PCDHGA2: variants seen among roughly 807,000 people sequenced by gnomAD.
The protein encoded by PCDHGA2 is protocadherin gamma-A2.
PCDHGA2 carries 40 observed loss-of-function variants against 59.2 expected under a neutral mutation model. That is an observed-to-expected ratio of 0.68 (90% CI 0.52 to 0.88). The LOEUF (loss-of-function observed/expected upper bound fraction) is 0.88. PCDHGA2 is among the 40% of genes least tolerant of loss of function. PCDHGA2 has a pLI of 0.00. For synonymous variants in PCDHGA2, 560 were observed against 526.0 expected (o/e 1.06, Z -0.89); for missense variants, 1,226 against 1,204.0 (o/e 1.02, Z -0.27).
At chr5:141,355,631 A>G in intron 1 of PCDHGA2, 1 of 1,614,036 alleles carries the variant, frequency 6.2e-7, no homozygotes, top group South Asian at 1.1e-5. Context: ...AAAGTTGCTG[A>G]AAATGAAAAT....
chr5:141,404,180 C>A (rs774534952), intron 1 of PCDHGA2: 10 of 1,613,196 alleles, frequency 6.2e-6, no homozygotes, highest in Non-Finnish European at 8.5e-6. Flanking sequence ...GGCCCAAATT[C>A]TTGACCGAGA....
intron 1 of PCDHGA2, among the ~76,000 whole-genome samples, chr5:141,369,705 A>G (rs1766444941): frequency 6.6e-6 from 1 of 152,376 alleles, no homozygotes; most frequent in East Asian, 1.9e-4. Flanking sequence ...AAGCTATGAC[A>G]TTATAACTTT....
At chr5:141,435,821 T>C (rs571444304) in intron 1 of PCDHGA2, among the ~76,000 whole-genome samples, 72 of 152,240 alleles carry the variant, frequency 4.7e-4, no homozygotes, top group African/African-American at 1.6e-3. Context: ...CTTTCTTCTT[T>C]GTTTGCTGCC....
intron 1 of PCDHGA2, chr5:141,350,586 A>C: frequency 6.2e-7 from 1 of 1,614,018 alleles, no homozygotes; most frequent in Admixed American, 1.7e-5. Flanking sequence ...GTCGCTGAAA[A>C]CCCAATGAAT....
intron 1 of PCDHGA2, chr5:141,362,030 T>C: frequency 1.2e-6 from 2 of 1,608,762 alleles, no homozygotes; most frequent in South Asian, 1.1e-5. Context: ...GCGCGTGCCT[T>C]GGGCGACAGG....
At chr5:141,394,239 G>A (rs530540432) in intron 1 of PCDHGA2, 1 of 1,613,868 alleles carries the variant, frequency 6.2e-7, no homozygotes, top group South Asian at 1.1e-5. Flanking sequence ...TTCCTTGACT[G>A]CACACGACCC....
chr5:141,408,203 A>G (rs1299661641), intron 1 of PCDHGA2: 2 of 1,550,806 alleles, frequency 1.3e-6, no homozygotes, highest in African/African-American at 1.4e-5. Flanking sequence ...CGAGCGAACG[A>G]TGGGAGGGAG....
rs758578821 is a variant in PCDHGA2 at position 141,486,659 on chromosome 5, G to C, written c.2425-8148G>C. The C allele has an allele frequency of 6.8e-6, 11 of 1,613,944 alleles. No individual in the cohort carries two copies. The highest frequency in any genetic ancestry group is 8.5e-6 in the Non-Finnish European group (10 of 1,180,026). On this transcript the variant is annotated intron_variant, in intron 1 of 3. Coordinates refer to ENST00000394576, the MANE Select transcript of PCDHGA2 (RefSeq NM_018915.4). The surrounding 1 kb of genome is among the most constrained non-coding windows in gnomAD (Gnocchi z 5.0). ...TGCGCTTATCTCCTACTCACTCCTGGAGCCCAGGAATCGAGATGTATCAGC... is the reference window on the plus strand; with the variant it reads ...TGCGCTTATCTCCTACTCACTCCTGCAGCCCAGGAATCGAGATGTATCAGC...
intron 3 of PCDHGA2, among the ~76,000 whole-genome samples, chr5:141,510,639 T>TATCA (rs998925545): frequency 1.4e-4 from 22 of 152,300 alleles, no homozygotes; most frequent in African/African-American, 4.6e-4. Context: ...TGGTTACCAT[T>TATCA]ATCATCCCCA....
intron 1 of PCDHGA2, chr5:141,394,133 G>T: frequency 6.2e-7 from 1 of 1,613,920 alleles, no homozygotes; most frequent in Non-Finnish European, 8.5e-7. Flanking sequence ...AAATCGCTCT[G>T]CACGTGGCAG....
intron 1 of PCDHGA2, chr5:141,355,260 G>C (rs781255825): frequency 6.2e-7 from 1 of 1,613,426 alleles, no homozygotes; most frequent in Admixed American, 1.7e-5. Context: ...GCCTTCTCCT[G>C]GGGGTTCTGG....
In PCDHGA2 at chr5:141,382,776, A is replaced by G. The variant is rs572614689; in HGVS notation, c.2424+41381A>G. 9.9e-6 allele frequency: 8 copies of G among 809,846 alleles called. No individual in the cohort carries two copies. The Admixed American group carries it at 2.0e-4, about 21-fold the overall frequency. 50.2% of individuals were successfully genotyped at this position (809,846 alleles called of 1,614,324 possible). The stretch of plus-strand genomic sequence containing the variant: ...TAAGCCCTCTTCCAGGCTGCACTAA[A>G]CTCAAGCCTCTATCCTGCTGGATTC... On this transcript the variant is annotated intron_variant, in intron 1 of 3. Transcript: ENST00000394576.
intron 1 of PCDHGA2, chr5:141,374,662 G>C (rs1378135258): frequency 6.2e-7 from 1 of 1,611,648 alleles, no homozygotes; most frequent in South Asian, 1.1e-5. Flanking sequence ...AGTACCCGGA[G>C]CTGGTGCTGG....
rs1196201183 is a variant in PCDHGA2, at chr5:141,490,944, G to A, written c.2425-3863G>A. ...ATGCCCCAGCTGTGCTGCACCCACG[G>A]CCAGACTGGGAACACTCAGCCCCCC... On this transcript the variant is annotated intron_variant, in intron 1 of 3. Transcript: ENST00000394576. This position sits in a 1 kb window ranked among gnomAD's most constrained non-coding sequence, Gnocchi z 5.4. 6.2e-7 allele frequency: 1 copy of A among 1,613,488 alleles called. No individual in the cohort carries two copies. The highest frequency in any genetic ancestry group is 1.3e-5 in the African/African-American group (1 of 74,906).
chr5:141,398,317 C>G (rs1364315924), intron 1 of PCDHGA2: 1 of 1,349,834 alleles, frequency 7.4e-7, no homozygotes, highest in Non-Finnish European at 1.0e-6. Flanking sequence ...GTTACCGACT[C>G]GAAAACTGCG....
At chr5:141,419,239 C>A in intron 1 of PCDHGA2, 3 of 1,614,008 alleles carry the variant, frequency 1.9e-6, no homozygotes, top group Non-Finnish European at 2.5e-6. Flanking sequence ...ACCTGGTCCA[C>A]GTGCCAGAAA....
In PCDHGA2 at chr5:141,364,730, C is replaced by T. The variant is rs374170303; in HGVS notation, c.2424+23335C>T. On this transcript the variant is annotated intron_variant, in intron 1 of 3. Coordinates refer to ENST00000394576, the MANE Select transcript of PCDHGA2 (RefSeq NM_018915.4). ...TATTAATGATAACTTCCCGCGTTTC[C>T]GGGATGAAGAGTTAAAAGTAAAAGT... is the stretch of plus-strand genomic sequence containing the variant. The T allele has an allele frequency of 1.9e-6, 3 of 1,613,720 alleles. No individual in the cohort carries two copies. In the African/African-American group the frequency reaches 4.0e-5, roughly 22 times the overall value.
intron 1 of PCDHGA2, chr5:141,441,364 C>T (rs533396852): frequency 6.6e-6 from 1 of 152,646 alleles, no homozygotes; most frequent in South Asian, 2.1e-4. Context: ...CAAATGGGGC[C>T]GTGGACCAGG....
At chr5:141,351,464 A>G (rs906251737) in intron 1 of PCDHGA2, 5 of 1,613,600 alleles carry the variant, frequency 3.1e-6, no homozygotes, top group Non-Finnish European at 4.2e-6. Context: ...CAAGCTGGTG[A>G]TTGCTGGAGC....
Sources: allele counts gnomAD v4.1 joint callset (sites outside exome capture counted in the v4.1 genomes callset), GRCh38; gene constraint gnomAD v4.1.1; non-coding constraint Gnocchi (gnomAD v3.1); transcripts MANE v1.5; gene names NCBI Gene and HGNC (gene_info 2026-07-23, HGNC 2026-07-21).